SLC9A9: variants seen among roughly 807,000 people sequenced by gnomAD.
SLC9A9 encodes the protein sodium/hydrogen exchanger 9.
A neutral mutation model predicts 77.8 loss-of-function variants in SLC9A9; 62 were observed. The observed-to-expected ratio is 0.80, with a 90% CI of 0.65 to 0.98. The LOEUF (loss-of-function observed/expected upper bound fraction) is 0.98. Ranked by LOEUF, SLC9A9 falls within the 50% of genes least tolerant of loss-of-function variation. The pLI is 0.00. For synonymous variants in SLC9A9, 320 were observed against 283.5 expected (o/e 1.13, Z -1.29); for missense variants, 775 against 774.9 (o/e 1.00, Z 0.00).
At chr3:143,433,316 A>C (rs910584477) in intron 12 of SLC9A9, among the ~76,000 whole-genome samples, 2 of 152,204 alleles carry the variant, frequency 1.3e-5, no homozygotes, top group Non-Finnish European at 2.9e-5. Context: ...TTTATCCCAC[A>C]AACAGCATGA....
chr3:143,781,785 T>A (rs929327954), intron 4 of SLC9A9, among the ~76,000 whole-genome samples: 2 of 152,240 alleles, frequency 1.3e-5, no homozygotes, highest in Non-Finnish European at 2.9e-5. Flanking sequence ...TTCATGTTCA[T>A]GATTCTGTTG....
intron 12 of SLC9A9, among the ~76,000 whole-genome samples, chr3:143,453,784 AG>A (rs398091865): frequency 7.2e-6 from 1 of 138,322 alleles, no homozygotes; most frequent in African/African-American, 2.7e-5. Flanking sequence ...GTAAATGCCT[AG>A]GAGAGAGAAT....
intron 4 of SLC9A9, among the ~76,000 whole-genome samples, chr3:143,734,890 GA>G (rs539553023): frequency 6.6e-6 from 1 of 152,138 alleles, no homozygotes; most frequent in Non-Finnish European, 1.5e-5. Context: ...GATGGCTAAA[GA>G]AAATCCCAGG....
intron 1 of SLC9A9, among the ~76,000 whole-genome samples, chr3:143,833,658 C>T (rs2009495746): frequency 2.0e-5 from 3 of 152,038 alleles, no homozygotes; most frequent in African/African-American, 7.2e-5. Context: ...CCAGGATCTA[C>T]GCTCTCCCTG....
intron 12 of SLC9A9, among the ~76,000 whole-genome samples, chr3:143,448,295 T>C (rs1259310894): frequency 6.6e-6 from 1 of 152,140 alleles, no homozygotes; most frequent in Non-Finnish European, 1.5e-5. Context: ...TAGATGAGCA[T>C]TGAGGGGAGC....
At chr3:143,690,835 C>T (rs566970935) in intron 5 of SLC9A9, among the ~76,000 whole-genome samples, 2 of 152,174 alleles carry the variant, frequency 1.3e-5, no homozygotes, top group South Asian at 4.1e-4. Flanking sequence ...CCATTGGGTA[C>T]TGAAATAATT....
chr3:143,425,397 ATATG>A (rs1313647914), intron 12 of SLC9A9, among the ~76,000 whole-genome samples: 2 of 151,818 alleles, frequency 1.3e-5, no homozygotes, highest in Non-Finnish European at 2.9e-5. Flanking sequence ...TTAAAAATAT[ATATG>A]TATGGTTTAT....
chr3:143,569,008 A>C (rs2037217526), intron 8 of SLC9A9, among the ~76,000 whole-genome samples: 1 of 152,124 alleles, frequency 6.6e-6, no homozygotes, highest in African/African-American at 2.4e-5. Flanking sequence ...ACAACTGTAA[A>C]AATTTACTGA....
chr3:143,548,271 T>C (rs962255167), intron 9 of SLC9A9, among the ~76,000 whole-genome samples: 1 of 151,842 alleles, frequency 6.6e-6, no homozygotes, highest in African/African-American at 2.4e-5. Context: ...TTGGCGCAGA[T>C]AGCAAGCTCC....
At chr3:143,784,267 C>T (rs2007975030) in intron 4 of SLC9A9, among the ~76,000 whole-genome samples, 1 of 152,150 alleles carries the variant, frequency 6.6e-6, no homozygotes, top group South Asian at 2.1e-4. Context: ...ATCTCCCTTT[C>T]TTGTAGGTTT....
chr3:143,823,199 C>A (rs935326552), intron 2 of SLC9A9, among the ~76,000 whole-genome samples: 1 of 152,158 alleles, frequency 6.6e-6, no homozygotes, highest in Admixed American at 6.5e-5. Flanking sequence ...AGTCTCTGCC[C>A]TCCTGGAGCC....
At chr3:143,788,774 G>A (rs2008133360) in intron 4 of SLC9A9, among the ~76,000 whole-genome samples, 1 of 150,340 alleles carries the variant, frequency 6.7e-6, no homozygotes, top group Admixed American at 6.6e-5. Context: ...AGTATAAGAG[G>A]CAAACTAAGA....
At chr3:143,413,780 CTGTGTGTGTGTG>C (rs3068538) in intron 12 of SLC9A9, among the ~76,000 whole-genome samples, 2 of 150,200 alleles carry the variant, frequency 1.3e-5, no homozygotes, top group South Asian at 2.1e-4. Flanking sequence ...GTATTATTAA[CTGTGTGTGTGTG>C]TGTGTGTGTG....
intron 12 of SLC9A9, among the ~76,000 whole-genome samples, chr3:143,426,045 T>G (rs765586703): frequency 6.6e-6 from 1 of 151,876 alleles, no homozygotes; most frequent in Non-Finnish European, 1.5e-5. Flanking sequence ...AGTGACATAA[T>G]GGTGTCAGCT....
At chr3:143,314,070 A>T (rs1393847538) in intron 14 of SLC9A9, among the ~76,000 whole-genome samples, 1 of 151,858 alleles carries the variant, frequency 6.6e-6, no homozygotes, top group Non-Finnish European at 1.5e-5. Context: ...ATCCTACTTA[A>T]CTCTCTGTAT....
chr3:143,794,883 T>C, intron 4 of SLC9A9, 118 bp downstream of exon 4: 1 of 885,926 alleles, frequency 1.1e-6, no homozygotes, highest in East Asian at 2.4e-5. Flanking sequence ...TACAAATATG[T>C]GATATACTAA....
intron 6 of SLC9A9, among the ~76,000 whole-genome samples, chr3:143,635,040 A>C (rs2038494599): frequency 6.6e-6 from 1 of 152,098 alleles, no homozygotes; most frequent in Non-Finnish European, 1.5e-5. Context: ...TTAAAATAAC[A>C]ATCAGTTATT....
chr3:143,335,450 C>T (rs2031893736), intron 14 of SLC9A9, among the ~76,000 whole-genome samples: 1 of 152,072 alleles, frequency 6.6e-6, no homozygotes, highest in Non-Finnish European at 1.5e-5. Context: ...CTCAAGGAAA[C>T]CTGAATATCA....
At chr3:143,466,447 T>C (rs2035281664) in intron 12 of SLC9A9, among the ~76,000 whole-genome samples, 1 of 152,236 alleles carries the variant, frequency 6.6e-6, no homozygotes, top group Non-Finnish European at 1.5e-5. Flanking sequence ...TTCAGGTTTA[T>C]AGCAATCATC....
Sources: allele counts gnomAD v4.1 joint callset (sites outside exome capture counted in the v4.1 genomes callset), GRCh38; gene constraint gnomAD v4.1.1; transcripts MANE v1.5; gene names NCBI Gene and HGNC (gene_info 2026-07-23, HGNC 2026-07-21).